The following EIPR1 variants were observed in gnomAD, a reference collection of about 807,000 sequenced individuals.
EIPR1 encodes EARP complex and GARP complex interacting protein 1.
A neutral mutation model predicts 48.1 loss-of-function variants in EIPR1; 25 were observed. That is an observed-to-expected ratio of 0.52 (90% CI 0.38 to 0.73). The LOEUF (loss-of-function observed/expected upper bound fraction) is 0.73. Ranked by LOEUF, EIPR1 falls within the 30% of genes least tolerant of loss-of-function variation. EIPR1 has a pLI of 0.00. For synonymous variants in EIPR1, 204 were observed against 201.9 expected, an observed-to-expected ratio of 1.01 and a Z score of -0.09; for missense variants, 415 against 506.2, an observed-to-expected ratio of 0.82 and a Z score of 1.73.
chr2:3,348,774 G>A (rs1670479127), intron 2 of EIPR1, among the ~76,000 whole-genome samples: 1 of 152,218 alleles, frequency 6.6e-6, no homozygotes. Flanking sequence ...AACACCAGGA[G>A]CTATTAACCC....
At position 3,189,136 on chromosome 2, in the gene EIPR1, G is replaced by C. The variant is rs964241660; in HGVS notation, c.*198C>G. On this transcript the variant is annotated 3_prime_UTR_variant, in exon 9 of 9. Transcript: ENST00000382125. The surrounding 1 kb of genome is among the most constrained non-coding windows in gnomAD (Gnocchi z 4.6). Reference sequence around the variant, plus strand: ...GCTCTGTCTCTGCCGACAGGGGCTGGGTTCGGGCATTAGCTGTGCCGTCGA... The same window carrying C: ...GCTCTGTCTCTGCCGACAGGGGCTGCGTTCGGGCATTAGCTGTGCCGTCGA... The C allele has an allele frequency of 2.2e-6, 1 of 448,628 alleles. No homozygotes were observed. The highest frequency in any genetic ancestry group is 3.8e-6 in the Non-Finnish European group (1 of 261,174). The allele number at this position is 448,628 out of a possible 1,614,324, so 27.8% of individuals were successfully genotyped here.
In EIPR1 at chr2:3,244,877, A is replaced by G. The variant is rs377114975; in HGVS notation, c.416+12422T>C. On this transcript the variant is annotated intron_variant, in intron 4 of 8. Coordinates refer to ENST00000382125, the MANE Select transcript of EIPR1 (RefSeq NM_003310.5). ...TTTACCTAAAACACCCATTTGCTTC[A>G]TAAAAGGATCAACAAAAACATACTT... 3.2e-3 allele frequency among the ~76,000 whole-genome samples: 484 copies of G among 152,352 alleles called. 5 individuals are homozygous for G. Among genetic ancestry groups the G allele is most frequent in the African/African-American group, 0.011 (467 of 41,580 alleles).
intron 3 of EIPR1, among the ~76,000 whole-genome samples, chr2:3,299,050 G>C (rs1668683697): frequency 6.6e-6 from 1 of 152,204 alleles, no homozygotes; most frequent in South Asian, 2.1e-4. Context: ...CCCCACCATA[G>C]CACTATTAAT....
chr2:3,231,066 C>A (rs911449791), intron 4 of EIPR1, among the ~76,000 whole-genome samples: 1 of 152,170 alleles, frequency 6.6e-6, no homozygotes, highest in Non-Finnish European at 1.5e-5. Flanking sequence ...CTTTCACTGC[C>A]TTGGTAAAAG....
intron 5 of EIPR1, chr2:3,208,429 G>T (rs1189511544): frequency 1.4e-6 from 2 of 1,473,498 alleles, no homozygotes; most frequent in East Asian, 4.9e-5. Context: ...GTCACCTTCA[G>T]ACACTTCCTC....
At position 3,189,336 on chromosome 2, in the gene EIPR1, A is replaced by C. The variant is rs1377620391; in HGVS notation, c.1162T>G (p.Ter388GlyextTer80). The C allele has an allele frequency of 6.3e-7, 1 of 1,580,800 alleles. No individual in the cohort carries two copies. Among genetic ancestry groups the C allele is most frequent in the Non-Finnish European group, 8.6e-7 (1 of 1,156,330 alleles). Reference protein sequence around the residue: ...PRALKYHILL* With the variant: ...PRALKYHILLG ...CCTGGATAACCCAGGCCCGGGAGTCATAGCAGGATGTGGTACTTCAGGGCC... is the reference window on the plus strand; with the variant it reads ...CCTGGATAACCCAGGCCCGGGAGTCCTAGCAGGATGTGGTACTTCAGGGCC... Residue 388 changes from the stop codon to glycine, a stop_lost, in exon 9 of 9, where the codon TGA becomes GGA. Coordinates refer to ENST00000382125, the MANE Select transcript of EIPR1 (RefSeq NM_003310.5). The surrounding 1 kb of genome is among the most constrained non-coding windows in gnomAD (Gnocchi z 4.6).
chr2:3,221,551 C>T (rs1665889611), intron 4 of EIPR1, among the ~76,000 whole-genome samples: 1 of 16,774 alleles, frequency 6.0e-5, no homozygotes, highest in African/African-American at 1.3e-4. Flanking sequence ...CGGGAACACA[C>T]GCACACAATG....
At chr2:3,270,574 C>T (rs1667674670) in intron 3 of EIPR1, among the ~76,000 whole-genome samples, 1 of 152,124 alleles carries the variant, frequency 6.6e-6, no homozygotes. Flanking sequence ...TTTTGGTTTC[C>T]TAGTGCATGT....
intron 1 of EIPR1, among the ~76,000 whole-genome samples, chr2:3,373,940 A>T (rs1659783706): frequency 6.6e-6 from 1 of 151,432 alleles, no homozygotes; most frequent in Non-Finnish European, 1.5e-5. Context: ...AAGCCAAAAG[A>T]ACAAAGCTGG....
At chr2:3,293,796 CT>C (rs1044896780) in intron 3 of EIPR1, among the ~76,000 whole-genome samples, 1 of 152,204 alleles carries the variant, frequency 6.6e-6, no homozygotes, top group African/African-American at 2.4e-5. Flanking sequence ...ATCAAGTCAT[CT>C]TCAACTTGAT....
intron 6 of EIPR1, among the ~76,000 whole-genome samples, chr2:3,195,452 C>CT (rs1337928422): frequency 6.6e-6 from 1 of 152,224 alleles, no homozygotes; most frequent in Non-Finnish European, 1.5e-5. Context: ...TTCCTTTCAT[C>CT]TTTTTCTCTC....
chr2:3,274,449 A>G, intron 3 of EIPR1: 8 of 1,547,022 alleles, frequency 5.2e-6, no homozygotes. Flanking sequence ...AGAACTGTTC[A>G]GTCAGCTAAA....
At chr2:3,372,425 A>T (rs1659693360) in intron 1 of EIPR1, among the ~76,000 whole-genome samples, 1 of 151,132 alleles carries the variant, frequency 6.6e-6, no homozygotes, top group Admixed American at 6.6e-5. Flanking sequence ...ACCCTTCAAA[A>T]AATTAATGAA....
intron 2 of EIPR1, among the ~76,000 whole-genome samples, chr2:3,349,729 C>T (rs1273010684): frequency 6.6e-6 from 1 of 152,050 alleles, no homozygotes; most frequent in Non-Finnish European, 1.5e-5. Context: ...GAGATGGGGA[C>T]AGGGAGGATG....
rs562569914 is a variant in EIPR1, at chr2:3,372,478, C to A, written c.42+5170G>T. On this transcript the variant is annotated intron_variant, in intron 1 of 8. Transcript: ENST00000382125. ...TGAAAGGATCAACAAAATTGATAGA[C>A]CGCTAGCAAGACTAATAAAGAAAAA... Among the ~76,000 whole-genome samples, 496 of 152,062 alleles carry A rather than the reference C, an allele frequency of 3.3e-3. 12 individuals are homozygous for A. Among genetic ancestry groups the A allele is most frequent in the Admixed American group, 0.028 (431 of 15,262 alleles).
intron 5 of EIPR1, among the ~76,000 whole-genome samples, chr2:3,201,652 C>T (rs1035812423): frequency 1.2e-4 from 19 of 152,074 alleles, no homozygotes; most frequent in African/African-American, 4.3e-4. Context: ...GCAAAGCTAC[C>T]GAGGAAGAAA....
chr2:3,256,366 G>C (rs1004371632), intron 4 of EIPR1, among the ~76,000 whole-genome samples: 1 of 152,114 alleles, frequency 6.6e-6, no homozygotes, highest in Non-Finnish European at 1.5e-5. Context: ...CGCCACGGCT[G>C]GCCCAGCCAC....
chr2:3,270,690 A>T (rs1667677933), intron 3 of EIPR1, among the ~76,000 whole-genome samples: 1 of 152,270 alleles, frequency 6.6e-6, no homozygotes, highest in Non-Finnish European at 1.5e-5. Context: ...TTGCTAAAGA[A>T]TACTAACAAT....
intron 3 of EIPR1, among the ~76,000 whole-genome samples, chr2:3,277,588 C>G (rs1667892515): frequency 1.3e-5 from 2 of 152,224 alleles, no homozygotes; most frequent in South Asian, 4.1e-4. Context: ...GTGGGAACTA[C>G]TCCCCGGGGT....
Sources: allele counts gnomAD v4.1 joint callset (sites outside exome capture counted in the v4.1 genomes callset), GRCh38; gene constraint gnomAD v4.1.1; non-coding constraint Gnocchi (gnomAD v3.1); transcripts MANE v1.5; gene names NCBI Gene and HGNC (gene_info 2026-07-23, HGNC 2026-07-21).